The following KIFAP3 variants were observed in gnomAD, a reference collection of about 807,000 sequenced individuals.
KIFAP3 encodes the protein kinesin associated protein 3.
Under a neutral mutation model 106.5 loss-of-function variants are expected in KIFAP3, and 68 were observed. That is an observed-to-expected ratio of 0.64 (90% CI 0.53 to 0.78). The LOEUF is 0.78. KIFAP3 is among the 30% of genes least tolerant of loss of function. The pLI is 0.00. For missense variants in KIFAP3, 780 were observed against 941.8 expected (o/e 0.83, Z 2.25); for synonymous variants, 320 against 311.5 (o/e 1.03, Z -0.29).
At chr1:169,980,721 G>C (rs1666471102) in intron 15 of KIFAP3, among the ~76,000 whole-genome samples, 1 of 152,094 alleles carries the variant, frequency 6.6e-6, no homozygotes, top group Non-Finnish European at 1.5e-5. Flanking sequence ...CTTCCAAATG[G>C]ACCTTCCAAC....
intron 10 of KIFAP3, among the ~76,000 whole-genome samples, chr1:170,000,786 G>A (rs946881667): frequency 1.1e-4 from 16 of 152,004 alleles, no homozygotes; most frequent in Non-Finnish European, 1.3e-4. Flanking sequence ...GTCTATAGTC[G>A]AGATTTGAGA....
intron 19 of KIFAP3, among the ~76,000 whole-genome samples, chr1:169,944,619 G>A (rs908490383): frequency 6.6e-6 from 1 of 152,124 alleles, no homozygotes; most frequent in African/African-American, 2.4e-5. Flanking sequence ...GAGGTTAAGT[G>A]GACAACTGGA....
chr1:169,944,734 T>G (rs1422091862), intron 19 of KIFAP3, among the ~76,000 whole-genome samples: 2 of 152,108 alleles, frequency 1.3e-5, no homozygotes, highest in Non-Finnish European at 2.9e-5. Context: ...TGTCCAGCTC[T>G]CAGCAGAGAG....
At chr1:170,077,833 C>T (rs539183763), upstream of KIFAP3, among the ~76,000 whole-genome samples, 1 of 151,436 alleles carries the variant, frequency 6.6e-6, no homozygotes, top group African/African-American at 2.4e-5. Flanking sequence ...AATCTGGTTT[C>T]TTTCATTTAG....
intron 17 of KIFAP3, among the ~76,000 whole-genome samples, chr1:169,970,326 C>G (rs186821406): frequency 3.5e-4 from 53 of 152,122 alleles, no homozygotes; most frequent in African/African-American, 1.2e-3. Flanking sequence ...GTGATGTAAT[C>G]CTCCTTGGTA....
chr1:169,948,753 A>G (rs765586667), intron 19 of KIFAP3, among the ~76,000 whole-genome samples: 1 of 151,996 alleles, frequency 6.6e-6, no homozygotes, highest in Non-Finnish European at 1.5e-5. Flanking sequence ...AATATAAAAG[A>G]ATTTTTTGCT....
chr1:170,070,648 A>G (rs990678224), intron 1 of KIFAP3, among the ~76,000 whole-genome samples: 3 of 152,264 alleles, frequency 2.0e-5, no homozygotes, highest in Non-Finnish European at 4.4e-5. Flanking sequence ...CTTGCCATAT[A>G]CCATAGACAA....
At chr1:169,988,809 T>C (rs920284715) in intron 11 of KIFAP3, among the ~76,000 whole-genome samples, 1 of 152,024 alleles carries the variant, frequency 6.6e-6, no homozygotes, top group Admixed American at 6.6e-5. Flanking sequence ...TTAAAAGTTA[T>C]AGGCTGGATA....
intron 19 of KIFAP3, among the ~76,000 whole-genome samples, chr1:169,938,854 T>C (rs567444581): frequency 6.6e-6 from 1 of 152,280 alleles, no homozygotes; most frequent in South Asian, 2.1e-4. Context: ...AAAAGACTAT[T>C]CCAGTTAAGC....
intron 1 of KIFAP3, among the ~76,000 whole-genome samples, chr1:170,056,733 T>C (rs1318663946): frequency 6.6e-6 from 1 of 152,116 alleles, no homozygotes; most frequent in Non-Finnish European, 1.5e-5. Context: ...AGGAGATGCA[T>C]CTGGAGTGAG....
chr1:170,015,483 T>C (rs1032434653), intron 10 of KIFAP3, among the ~76,000 whole-genome samples: 3 of 152,168 alleles, frequency 2.0e-5, no homozygotes, highest in Non-Finnish European at 4.4e-5. Flanking sequence ...CTAAAATGTA[T>C]AATAACATTG....
chr1:169,933,956 A>C (rs1663641261), intron 19 of KIFAP3, among the ~76,000 whole-genome samples: 1 of 152,132 alleles, frequency 6.6e-6, no homozygotes, highest in Non-Finnish European at 1.5e-5. Flanking sequence ...TTCTTTGTAA[A>C]ATAAGAATAA....
At chr1:170,032,420 T>C (rs1005472730) in intron 7 of KIFAP3, among the ~76,000 whole-genome samples, 3 of 151,748 alleles carry the variant, frequency 2.0e-5, no homozygotes, top group Admixed American at 2.0e-4. Context: ...ATGCCCAGAA[T>C]ATTCAAAGGA....
intron 1 of KIFAP3, among the ~76,000 whole-genome samples, chr1:170,071,819 T>C (rs1040072292): frequency 2.6e-5 from 4 of 152,164 alleles, no homozygotes; most frequent in African/African-American, 9.7e-5. Flanking sequence ...AAACGAACTA[T>C]ATCCAAACCA....
At position 169,964,269 on chromosome 1, in the gene KIFAP3, C is replaced by T. The variant is rs191393592; in HGVS notation, c.1984-3034G>A. ...AAGTAACGGCTCTCTGACATATGTG[C>T]CATAATTATCAACATCTTACAAATG... is the stretch of plus-strand genomic sequence containing the variant. On this transcript the variant is annotated intron_variant, in intron 17 of 19. Coordinates refer to ENST00000361580, the MANE Select transcript of KIFAP3 (RefSeq NM_014970.4). Among the ~76,000 whole-genome samples, 88 of 152,148 alleles carry T rather than the reference C, an allele frequency of 5.8e-4. 3 individuals are homozygous for T. The East Asian group carries it at 0.014, about 25-fold the overall frequency.
At chr1:170,020,157 A>G (rs1668735166) in intron 9 of KIFAP3, among the ~76,000 whole-genome samples, 1 of 152,362 alleles carries the variant, frequency 6.6e-6, no homozygotes, top group South Asian at 2.1e-4. Flanking sequence ...AAAAAGACCC[A>G]CATAAATAGA....
At chr1:169,984,960 T>C (rs571353384) in intron 11 of KIFAP3, among the ~76,000 whole-genome samples, 1 of 151,914 alleles carries the variant, frequency 6.6e-6, no homozygotes, top group Admixed American at 6.6e-5. Context: ...CATCTGTCCT[T>C]AAATAATTAA....
At chr1:170,024,164 T>C (rs1044316659) in intron 9 of KIFAP3, 2 of 255,962 alleles carry the variant, frequency 7.8e-6, no homozygotes, top group East Asian at 7.4e-5. Flanking sequence ...AAACTTTCTA[T>C]ATATTATGTT....
chr1:170,027,734 T>C (rs912341880), intron 8 of KIFAP3, among the ~76,000 whole-genome samples: 2 of 151,868 alleles, frequency 1.3e-5, no homozygotes, highest in Non-Finnish European at 2.9e-5. Flanking sequence ...TTAACTGAAG[T>C]CCCTGAAAAA....
Sources: allele counts gnomAD v4.1 joint callset (sites outside exome capture counted in the v4.1 genomes callset), GRCh38; gene constraint gnomAD v4.1.1; transcripts MANE v1.5; gene names NCBI Gene and HGNC (gene_info 2026-07-23, HGNC 2026-07-21).